LOXHD1: variants seen among roughly 807,000 people sequenced by gnomAD.
The protein encoded by LOXHD1 is lipoxygenase homology domain-containing protein 1.
A neutral mutation model predicts 248.2 loss-of-function variants in LOXHD1; 205 were observed. The observed-to-expected ratio is 0.83, with a 90% confidence interval of 0.74 to 0.93. LOXHD1 has a LOEUF of 0.93. LOXHD1 is among the 40% of genes least tolerant of loss of function. The pLI is 0.00. For missense variants in LOXHD1, 2,930 were observed against 2,971.6 expected, an observed-to-expected ratio of 0.99 and a Z score of 0.33; for synonymous variants, 1,113 against 1,162.8, an observed-to-expected ratio of 0.96 and a Z score of 0.87.
Position 46,577,790 on chromosome 18 carries a change from G to A in LOXHD1, c.1887C>T (p.Ser629=), listed in dbSNP as rs189550119. The A allele has an allele frequency of 2.0e-4, 318 of 1,551,588 alleles. 1 individual carries two copies. The highest frequency in any genetic ancestry group is 8.8e-4 in the Admixed American group (45 of 50,990). The change falls in exon 14 of 41, where the codon TCC becomes TCT. Residue 629 remains serine, a synonymous_variant. Coordinates refer to ENST00000642948, the MANE Select transcript of LOXHD1 (RefSeq NM_001384474.1). ...RVRIRHDGKG[S]GSGWYLDRVL... is the part of the protein sequence containing the mutation. Reference sequence around the variant, plus strand: ...CTCTGTCCAGGTACCAGCCGCTGCCGGAGCCTTTGCCATCGTGTCTGATCC... The same window carrying A: ...CTCTGTCCAGGTACCAGCCGCTGCCAGAGCCTTTGCCATCGTGTCTGATCC...
At chr18:46,634,399 C>A (rs536697318) in intron 4 of LOXHD1, among the ~76,000 whole-genome samples, 3 of 152,300 alleles carry the variant, frequency 2.0e-5, no homozygotes, top group African/African-American at 7.2e-5. Flanking sequence ...ATCTGAAATC[C>A]TCCAAAATCC....
At chr18:46,507,399 A>G in intron 36 of LOXHD1, 139 bp downstream of exon 36, 1 of 879,538 alleles carries the variant, frequency 1.1e-6, no homozygotes, top group African/African-American at 1.7e-5. Flanking sequence ...AAAGCGACAC[A>G]CTGTGGAGAA....
In LOXHD1 at chr18:46,653,082, A is replaced by G. The variant is rs550457163; in HGVS notation, c.131-3813T>C. On this transcript the variant is annotated intron_variant, in intron 1 of 40. Coordinates refer to ENST00000642948, the MANE Select transcript of LOXHD1 (RefSeq NM_001384474.1). ...ACCAACGTGGTGAAACCCCGTCTCTACTAAAAATACAAAAATTAGCCAGGC... is the reference window on the plus strand; with the variant it reads ...ACCAACGTGGTGAAACCCCGTCTCTGCTAAAAATACAAAAATTAGCCAGGC... 1.1e-4 allele frequency among the ~76,000 whole-genome samples: 16 copies of G among 152,290 alleles called. No individual in the cohort carries two copies. In the South Asian group the frequency reaches 3.3e-3, roughly 32 times the overall value.
At chr18:46,560,018 G>A (rs996128708) in intron 19 of LOXHD1, 65 bp downstream of exon 19, 5 of 1,495,362 alleles carry the variant, frequency 3.3e-6, no homozygotes, top group Non-Finnish European at 2.7e-6. Context: ...TGCCCCCAGT[G>A]GGCCCCCTTT....
intron 13 of LOXHD1, among the ~76,000 whole-genome samples, chr18:46,578,906 A>G (rs2144141666): frequency 6.6e-6 from 1 of 152,302 alleles, no homozygotes; most frequent in East Asian, 1.9e-4. Flanking sequence ...AGAATGAAGC[A>G]GGTAGCCCAA....
At chr18:46,646,431 A>G (rs328176) in intron 2 of LOXHD1, among the ~76,000 whole-genome samples, 48,504 of 152,002 alleles carry the variant, frequency 0.32, 8,959 homozygotes, top group East Asian at 0.44. Flanking sequence ...ATGTCCTTCA[A>G]TGCTCTTTGA....
intron 8 of LOXHD1, among the ~76,000 whole-genome samples, chr18:46,595,481 A>T (rs759322858): frequency 1.2e-4 from 18 of 152,204 alleles, no homozygotes; most frequent in Non-Finnish European, 2.5e-4. Context: ...CATTCAATAG[A>T]TAGGAAACCT....
chr18:46,565,845 C>T (rs187161526), intron 17 of LOXHD1, among the ~76,000 whole-genome samples: 4 of 152,060 alleles, frequency 2.6e-5, no homozygotes, highest in Admixed American at 6.5e-5. Flanking sequence ...TTGAATCCAC[C>T]GATGCACAAC....
chr18:46,485,550 C>T (rs900698034), intron 38 of LOXHD1, among the ~76,000 whole-genome samples: 4 of 152,098 alleles, frequency 2.6e-5, no homozygotes, highest in Non-Finnish European at 2.9e-5. Flanking sequence ...AAGACCCTTG[C>T]ACTTGCTCCA....
chr18:46,486,923 A>G (rs1315217858), intron 38 of LOXHD1, among the ~76,000 whole-genome samples: 1 of 152,224 alleles, frequency 6.6e-6, no homozygotes, highest in African/African-American at 2.4e-5. Flanking sequence ...TTCAATCAGC[A>G]TATTTTCACC....
intron 37 of LOXHD1, among the ~76,000 whole-genome samples, chr18:46,501,540 C>T (rs2034232546): frequency 6.6e-6 from 1 of 152,192 alleles, no homozygotes; most frequent in Admixed American, 6.5e-5. Context: ...ACTTATAGGG[C>T]TGTTGGTCAT....
chr18:46,486,154 C>G (rs2033033740), intron 38 of LOXHD1, among the ~76,000 whole-genome samples: 1 of 152,058 alleles, frequency 6.6e-6, no homozygotes, highest in African/African-American at 2.4e-5. Context: ...GGGACCAGAC[C>G]AGGGATGGAA....
intron 12 of LOXHD1, 131 bp from the exon 13 acceptor site, chr18:46,579,915 C>T (rs966027373): frequency 7.4e-6 from 8 of 1,082,538 alleles, no homozygotes; most frequent in African/African-American, 6.4e-5. Context: ...TTCCCCCTTC[C>T]TCCCAACTAT....
intron 21 of LOXHD1, among the ~76,000 whole-genome samples, chr18:46,550,387 C>G (rs111744859): frequency 6.6e-6 from 1 of 151,504 alleles, no homozygotes; most frequent in East Asian, 1.9e-4. Context: ...TCCTGGCTAA[C>G]AAGGTGAAAC....
intron 13 of LOXHD1, among the ~76,000 whole-genome samples, chr18:46,578,864 C>T (rs1171902881): frequency 6.6e-6 from 1 of 152,224 alleles, no homozygotes; most frequent in Non-Finnish European, 1.5e-5. Context: ...CATCCTTTCC[C>T]CATTTCAGGC....
intron 15 of LOXHD1, among the ~76,000 whole-genome samples, chr18:46,571,126 C>G (rs906947646): frequency 6.6e-6 from 1 of 152,152 alleles, no homozygotes; most frequent in African/African-American, 2.4e-5. Flanking sequence ...AGAAATGGGA[C>G]ACTCTAGTTC....
In LOXHD1 at chr18:46,477,846, T is replaced by C. The variant is rs1238359042; in HGVS notation, c.6448A>G (p.Ser2150Gly). The C allele has an allele frequency of 6.4e-7, 1 of 1,551,810 alleles. No individual in the cohort carries two copies. The highest frequency in any genetic ancestry group is 1.2e-5 in the South Asian group (1 of 84,058). Reference sequence around the variant, plus strand: ...ACTTCGTACTTGACGGGCACCAGGCTCTGGACCTTGCTGGCAAAGCTCTCT... The same window carrying C: ...ACTTCGTACTTGACGGGCACCAGGCCCTGGACCTTGCTGGCAAAGCTCTCT... ...TTESFASKVQ[S>G]LVPVKYEVIV... The change falls in exon 41 of 41, where the codon AGC (serine) becomes GGC (glycine). Residue 2150 changes from serine (S) to glycine (G), a missense_variant. By Grantham distance (56) the Ser-to-Gly change is moderately conservative. Coordinates refer to ENST00000642948, the MANE Select transcript of LOXHD1 (RefSeq NM_001384474.1).
intron 4 of LOXHD1, among the ~76,000 whole-genome samples, chr18:46,633,689 G>A (rs746855464): frequency 1.1e-4 from 16 of 152,172 alleles, no homozygotes; most frequent in Non-Finnish European, 1.5e-4. Context: ...ACAACTCATC[G>A]AATGGGAGAA....
chr18:46,584,146 A>G (rs374639535), intron 12 of LOXHD1, among the ~76,000 whole-genome samples: 5 of 152,226 alleles, frequency 3.3e-5, no homozygotes, highest in African/African-American at 9.6e-5. Context: ...TTTTAAAAAA[A>G]AGAGAGAGAG....
Sources: gnomAD v4.1 joint callset for allele counts (sites outside exome capture counted in the v4.1 genomes callset) on GRCh38, gnomAD v4.1.1 for gene constraint, MANE v1.5 for transcripts, NCBI Gene and HGNC (gene_info 2026-07-23, HGNC 2026-07-21) for gene names.